Variants in PITPNC1 observed in about 807,000 individuals in gnomAD.
PITPNC1 encodes the protein phosphatidylinositol transfer protein cytoplasmic 1, also known as cytoplasmic phosphatidylinositol transfer protein 1.
A neutral mutation model predicts 44.7 loss-of-function variants in PITPNC1; 18 were observed. The ratio of observed to expected loss-of-function variants is 0.40; its 90% CI spans 0.28 to 0.60. The LOEUF is 0.60. Among genes scored for constraint, PITPNC1 ranks in the 20% least tolerant of loss-of-function variants. The pLI is 0.39. For synonymous variants in PITPNC1, 141 were observed against 149.6 expected (o/e 0.94, Z 0.42); for missense variants, 290 against 418.4 (o/e 0.69, Z 2.68).
At position 67,595,669 on chromosome 17, in the gene PITPNC1, C is replaced by T. The variant is rs546632326; in HGVS notation, c.366+17412C>T. 5.3e-5 allele frequency among the ~76,000 whole-genome samples: 8 copies of T among 152,278 alleles called. No homozygotes were observed. In the South Asian group the frequency reaches 1.7e-3, roughly 32 times the overall value. On this transcript the variant is annotated intron_variant, in intron 5 of 8. Transcript: ENST00000581322. The stretch of plus-strand genomic sequence containing the variant: ...CCCACCAAATTCTGCACTTGATCTT[C>T]TGAGACTGATGGCGATTCTCTATGA...
At chr17:67,678,050 AAAAT>A (rs2042635717) in intron 8 of PITPNC1, among the ~76,000 whole-genome samples, 2 of 151,982 alleles carry the variant, frequency 1.3e-5, no homozygotes, top group South Asian at 2.1e-4. Context: ...TCATCTCTAC[AAAAT>A]AAATAAATAA....
intron 4 of PITPNC1, among the ~76,000 whole-genome samples, chr17:67,567,011 A>C (rs1380595650): frequency 6.6e-6 from 1 of 152,234 alleles, no homozygotes; most frequent in Non-Finnish European, 1.5e-5. Context: ...TTAATGAGTT[A>C]ATAGATGAAC....
intron 6 of PITPNC1, among the ~76,000 whole-genome samples, chr17:67,663,122 C>T (rs111888804): frequency 0.015 from 2,290 of 152,186 alleles, 33 homozygotes; most frequent in Non-Finnish European, 0.022. Flanking sequence ...TTTGAGAAGA[C>T]TTCATTTCTT....
intron 1 of PITPNC1, among the ~76,000 whole-genome samples, chr17:67,523,699 G>C (rs116731391): frequency 0.013 from 1,963 of 151,404 alleles, 44 homozygotes; most frequent in African/African-American, 0.045. Flanking sequence ...CAATTATCAC[G>C]TCTCTGGAGG....
intron 5 of PITPNC1, among the ~76,000 whole-genome samples, chr17:67,626,008 A>G (rs1405089570): frequency 6.7e-6 from 1 of 148,152 alleles, no homozygotes; most frequent in Non-Finnish European, 1.5e-5. Context: ...TTTTTTTGAG[A>G]CAGGATCTCA....
At chr17:67,657,925 A>G (rs1033146117) in intron 6 of PITPNC1, among the ~76,000 whole-genome samples, 2 of 152,240 alleles carry the variant, frequency 1.3e-5, no homozygotes, top group Non-Finnish European at 2.9e-5. Context: ...TTATTCTTGA[A>G]GAATATGAAT....
intron 5 of PITPNC1, among the ~76,000 whole-genome samples, chr17:67,620,663 A>G (rs2041817824): frequency 6.6e-6 from 1 of 152,136 alleles, no homozygotes; most frequent in Admixed American, 6.6e-5. Flanking sequence ...CCAAAGGCCT[A>G]ATGATATTGT....
At chr17:67,568,588 G>A (rs1377564056) in intron 4 of PITPNC1, among the ~76,000 whole-genome samples, 2 of 151,982 alleles carry the variant, frequency 1.3e-5, no homozygotes, top group Non-Finnish European at 2.9e-5. Context: ...ATGCAGTAGT[G>A]TGATCATAGC....
In PITPNC1 at chr17:67,380,724, C is replaced by A. The variant is rs150989294; in HGVS notation, c.48+2522C>A. 1.4e-4 allele frequency among the ~76,000 whole-genome samples: 21 copies of A among 152,176 alleles called. No individual in the cohort carries two copies. The East Asian group carries it at 3.5e-3, about 25-fold the overall frequency. ...TTTTTCCACATTGAAAATGAGGAAG[C>A]AACTTGAGTTTCTTTAAATAAGATG... is the stretch of plus-strand genomic sequence containing the variant. On this transcript the variant is annotated intron_variant, in intron 1 of 8. Coordinates refer to ENST00000581322, the MANE Select transcript of PITPNC1 (RefSeq NM_012417.4).
chr17:67,388,903 G>A (rs1287846488), intron 1 of PITPNC1, among the ~76,000 whole-genome samples: 1 of 152,198 alleles, frequency 6.6e-6, no homozygotes, highest in Admixed American at 6.5e-5. Flanking sequence ...GCGCCTGGCA[G>A]TATATTAGTT....
intron 1 of PITPNC1, among the ~76,000 whole-genome samples, chr17:67,407,091 G>A (rs566790261): frequency 6.6e-6 from 1 of 152,298 alleles, no homozygotes; most frequent in African/African-American, 2.4e-5. Context: ...CTGCCAAACT[G>A]GTTTCCACAG....
intron 5 of PITPNC1, among the ~76,000 whole-genome samples, chr17:67,609,054 G>T (rs948600240): frequency 6.6e-6 from 1 of 151,500 alleles, no homozygotes; most frequent in Non-Finnish European, 1.5e-5. Flanking sequence ...TAGAGACAGG[G>T]TCTTCCTATG....
At chr17:67,450,399 A>G (rs575293228) in intron 1 of PITPNC1, among the ~76,000 whole-genome samples, 1 of 151,942 alleles carries the variant, frequency 6.6e-6, no homozygotes, top group East Asian at 1.9e-4. Context: ...CTGTAGTAAA[A>G]TACGTATAAG....
rs2042974471 is a variant in PITPNC1 at position 67,694,247 on chromosome 17, G to T, written c.*1359G>T. ...GCCTTTAAACACAGACGGGAGGGCA[G>T]GCCAAATCTCAGCATTGACTTTTGT... On this transcript the variant is annotated 3_prime_UTR_variant, in exon 9 of 9. Coordinates refer to ENST00000581322, the MANE Select transcript of PITPNC1 (RefSeq NM_012417.4). 6.6e-6 allele frequency: 1 copy of T among 152,214 alleles called. No homozygotes were observed. The highest frequency in any genetic ancestry group is 6.5e-5 in the Admixed American group (1 of 15,278). 9.4% of individuals were successfully genotyped at this position (152,214 alleles called of 1,614,324 possible).
Position 67,522,659 on chromosome 17 carries a change from C to CTTTTTTTTTTTTTTTTTTT in PITPNC1, c.49-10129_49-10128insTTTTTTTTTTTTTTTTTTT, listed in dbSNP as rs773797594. On this transcript the variant is annotated intron_variant, in intron 1 of 8. Transcript: ENST00000581322. ...ATATCATAAAATTTACCATTTTAAT[C>CTTTTTTTTTTTTTTTTTTT]TTTTTTTTTTTTTTGGAAAATGAGG... Among the ~76,000 whole-genome samples, 227 of 117,180 alleles carry CTTTTTTTTTTTTTTTTTTT rather than the reference C, an allele frequency of 1.9e-3. 43 individuals carry two copies. The highest frequency in any genetic ancestry group is 9.4e-3 in the African/African-American group (215 of 22,794). 76.9% of individuals were successfully genotyped at this position (117,180 alleles called of 152,430 possible). A position where few individuals can be genotyped will look rare whatever the true frequency, so the allele number is the denominator to read the frequency against.
At chr17:67,438,055 G>A (rs983861972) in intron 1 of PITPNC1, among the ~76,000 whole-genome samples, 3 of 151,204 alleles carry the variant, frequency 2.0e-5, no homozygotes, top group African/African-American at 7.3e-5. Flanking sequence ...GCGGCAGAGC[G>A]AGACTCTGTC....
chr17:67,644,271 C>T (rs912682346), intron 6 of PITPNC1, among the ~76,000 whole-genome samples: 1 of 152,116 alleles, frequency 6.6e-6, no homozygotes, highest in Non-Finnish European at 1.5e-5. Flanking sequence ...TCTCTGTCTG[C>T]CACGAGCCTT....
At chr17:67,502,086 T>C (rs1286644495) in intron 1 of PITPNC1, among the ~76,000 whole-genome samples, 1 of 152,230 alleles carries the variant, frequency 6.6e-6, no homozygotes, top group Non-Finnish European at 1.5e-5. Flanking sequence ...CACGTTGTAG[T>C]TGAAGCACAT....
intron 5 of PITPNC1, among the ~76,000 whole-genome samples, chr17:67,580,296 A>C (rs976703497): frequency 2.0e-5 from 3 of 152,170 alleles, no homozygotes; most frequent in African/African-American, 7.2e-5. Flanking sequence ...AGGATAATAA[A>C]GTTCAGTTGC....
Sources: allele counts gnomAD v4.1 joint callset (sites outside exome capture counted in the v4.1 genomes callset), GRCh38; gene constraint gnomAD v4.1.1; transcripts MANE v1.5; gene names NCBI Gene and HGNC (gene_info 2026-07-23, HGNC 2026-07-21).